The following ANLN variants were observed in gnomAD, a reference collection of about 807,000 sequenced individuals.
ANLN encodes the protein anillin, actin binding protein.
A neutral mutation model predicts 135.1 loss-of-function variants in ANLN; 59 were observed. The observed-to-expected ratio is 0.44, with a 90% confidence interval of 0.35 to 0.54. The LOEUF (loss-of-function observed/expected upper bound fraction) is 0.54. Among genes scored for constraint, ANLN ranks in the 20% least tolerant of loss-of-function variants. The pLI, the probability that ANLN is intolerant of heterozygous loss-of-function variation, is 0.00. For synonymous variants in ANLN, 406 were observed against 456.4 expected, an observed-to-expected ratio of 0.89 and a Z score of 1.41; for missense variants, 1,182 against 1,340.0, an observed-to-expected ratio of 0.88 and a Z score of 1.84.
At chr7:36,406,645 C>T in intron 4 of ANLN, 79 bp downstream of exon 4, 1 of 1,248,764 alleles carries the variant, frequency 8.0e-7, no homozygotes, top group Non-Finnish European at 1.1e-6. Flanking sequence ...TGTGTATGTG[C>T]AGGTGGATGG....
intron 1 of ANLN, among the ~76,000 whole-genome samples, chr7:36,392,167 T>C (rs781271235): frequency 6.6e-6 from 1 of 152,204 alleles, no homozygotes; most frequent in South Asian, 2.1e-4. Flanking sequence ...CAGAAGCATA[T>C]TTTATTGTAG....
intron 20 of ANLN, 45 bp from the exon 21 acceptor site, chr7:36,439,159 C>T (rs755004535): frequency 1.4e-5 from 15 of 1,069,338 alleles, no homozygotes; most frequent in Non-Finnish European, 2.0e-5. Flanking sequence ...AGAAAAATCA[C>T]ACTTTGAACC....
intron 5 of ANLN, among the ~76,000 whole-genome samples, chr7:36,409,674 T>G (rs1320379576): frequency 6.6e-6 from 1 of 152,132 alleles, no homozygotes; most frequent in Non-Finnish European, 1.5e-5. Flanking sequence ...TTTTGTTTGC[T>G]GTTTTTTGTT....
intron 4 of ANLN, among the ~76,000 whole-genome samples, chr7:36,407,068 T>C (rs1038843592): frequency 1.3e-5 from 2 of 152,194 alleles, no homozygotes; most frequent in African/African-American, 4.8e-5. Flanking sequence ...CTCAACAGTT[T>C]TCAAAAAACA....
intron 20 of ANLN, among the ~76,000 whole-genome samples, chr7:36,434,908 T>A (rs761325233): frequency 6.6e-5 from 10 of 152,076 alleles, no homozygotes; most frequent in Non-Finnish European, 1.2e-4. Flanking sequence ...TAAATGGACA[T>A]GCATGAAAAA....
rs193137013 is a variant in ANLN, at chr7:36,444,283, C to G, written c.3078+421C>G. ...CCAGCCTGAGCGACAGAGCAAGACT[C>G]CATCTCAAAAAAAAAAAAAAAATGT... is the stretch of plus-strand genomic sequence containing the variant. On this transcript the variant is annotated intron_variant, in intron 22 of 23. Transcript: ENST00000265748. Among the ~76,000 whole-genome samples the G allele has an allele frequency of 3.6e-5, 5 of 139,212 alleles. No individual in the cohort carries two copies. The East Asian group carries it at 6.5e-4, about 18-fold the overall frequency. 91.3% of individuals were successfully genotyped at this position (139,212 alleles called of 152,430 possible). A position where few individuals can be genotyped will look rare whatever the true frequency, so the allele number is the denominator to read the frequency against.
chr7:36,446,561 G>GGAGC (rs780009013), intron 22 of ANLN, among the ~76,000 whole-genome samples: 42 of 152,268 alleles, frequency 2.8e-4, no homozygotes, highest in African/African-American at 9.9e-4. Context: ...GGTAAAAGCA[G>GGAGC]GAGCGAGCGA....
intron 20 of ANLN, chr7:36,428,201 T>G (rs1451856836): frequency 6.8e-6 from 3 of 440,560 alleles, no homozygotes; most frequent in South Asian, 2.5e-5. Flanking sequence ...TTTTAACAAG[T>G]TAATTTTAAA....
At chr7:36,432,546 C>G (rs1788374225) in intron 20 of ANLN, among the ~76,000 whole-genome samples, 1 of 152,152 alleles carries the variant, frequency 6.6e-6, no homozygotes, top group Non-Finnish European at 1.5e-5. Flanking sequence ...ACAAAAAATG[C>G]ATCTTTATAT....
At position 36,443,742 on chromosome 7, in the gene ANLN, C is replaced by G. The variant is rs1391953330; in HGVS notation, c.2971-13C>G. 8 of 1,592,272 alleles carry G rather than the reference C, an allele frequency of 5.0e-6. No homozygotes were observed. Among genetic ancestry groups the G allele is most frequent in the African/African-American group, 1.3e-5 (1 of 74,688 alleles). On this transcript the variant is annotated splice_polypyrimidine_tract_variant and intron_variant, in intron 21 of 23. Coordinates refer to ENST00000265748, the MANE Select transcript of ANLN (RefSeq NM_018685.5). ...CAACTTTCTAAAGCCAGCATTTCAACTGACTTTTCCAGACCATATTTGAAG... is the reference window on the plus strand; with the variant it reads ...CAACTTTCTAAAGCCAGCATTTCAAGTGACTTTTCCAGACCATATTTGAAG...
intron 20 of ANLN, among the ~76,000 whole-genome samples, chr7:36,427,684 C>A (rs1258686047): frequency 5.3e-5 from 8 of 152,118 alleles, no homozygotes; most frequent in Admixed American, 5.2e-4. Context: ...TTGAAATGAA[C>A]AATATTTTAT....
At position 36,428,515 on chromosome 7, in the gene ANLN, G is replaced by A. The variant is rs115589251; in HGVS notation, c.2883+1487G>A. On this transcript the variant is annotated intron_variant, in intron 20 of 23. Coordinates refer to ENST00000265748, the MANE Select transcript of ANLN (RefSeq NM_018685.5). ...TTCTATCATGAGACTCTTATAGATGGGTGTCTTTTTCTCCACTCTCAATAC... is the reference window on the plus strand; with the variant it reads ...TTCTATCATGAGACTCTTATAGATGAGTGTCTTTTTCTCCACTCTCAATAC... Among the ~76,000 whole-genome samples the A allele has an allele frequency of 2.4e-3, 369 of 151,974 alleles. 2 individuals are homozygous for A. Among genetic ancestry groups the A allele is most frequent in the African/African-American group, 8.7e-3 (360 of 41,470 alleles).
At chr7:36,404,007 G>T (rs1436468499) in intron 3 of ANLN, among the ~76,000 whole-genome samples, 1 of 151,608 alleles carries the variant, frequency 6.6e-6, no homozygotes, top group Non-Finnish European at 1.5e-5. Context: ...GTCTTGCTCT[G>T]TCACCGAGGC....
At chr7:36,450,204 C>T (rs1431179684) in intron 23 of ANLN, among the ~76,000 whole-genome samples, 2 of 152,170 alleles carry the variant, frequency 1.3e-5, no homozygotes, top group Admixed American at 6.5e-5. Flanking sequence ...AGAATACCCT[C>T]GTGTAATCAG....
At chr7:36,393,398 G>A (rs1264619199) in intron 1 of ANLN, among the ~76,000 whole-genome samples, 2 of 152,076 alleles carry the variant, frequency 1.3e-5, no homozygotes, top group Non-Finnish European at 2.9e-5. Flanking sequence ...TAATAGCTTC[G>A]GGCAGAGACT....
chr7:36,429,150 A>G (rs1181086114), intron 20 of ANLN, among the ~76,000 whole-genome samples: 1 of 152,078 alleles, frequency 6.6e-6, no homozygotes, highest in Admixed American at 6.6e-5. Context: ...TTGCTTGTTA[A>G]TTTTGAAATT....
chr7:36,429,372 C>A (rs1392726309), intron 20 of ANLN, among the ~76,000 whole-genome samples: 1 of 151,974 alleles, frequency 6.6e-6, no homozygotes, highest in Non-Finnish European at 1.5e-5. Context: ...AGGCGTGCAC[C>A]ACCATGCCCA....
intron 2 of ANLN, 72 bp from the exon 3 acceptor site, chr7:36,399,007 A>G: frequency 8.2e-7 from 1 of 1,217,588 alleles, no homozygotes; most frequent in Non-Finnish European, 1.2e-6. Flanking sequence ...TAATTTGTTG[A>G]GTATCTACCC....
chr7:36,428,620 T>C (rs1390381144), intron 20 of ANLN, among the ~76,000 whole-genome samples: 1 of 152,084 alleles, frequency 6.6e-6, no homozygotes, highest in Admixed American at 6.6e-5. Flanking sequence ...CTTTCTTCTC[T>C]CTTATAGTTC....
Sources: allele counts gnomAD v4.1 joint callset (sites outside exome capture counted in the v4.1 genomes callset), GRCh38; gene constraint gnomAD v4.1.1; transcripts MANE v1.5; gene names NCBI Gene and HGNC (gene_info 2026-07-23, HGNC 2026-07-21).